Variants in SPOCK1 observed in about 807,000 individuals in gnomAD.
SPOCK1 encodes the protein testican-1.
A neutral mutation model predicts 55.3 loss-of-function variants in SPOCK1; 23 were observed. That is an observed-to-expected ratio of 0.42 (90% CI 0.30 to 0.59). The LOEUF (loss-of-function observed/expected upper bound fraction) is 0.59. Among genes scored for constraint, SPOCK1 ranks in the 20% least tolerant of loss-of-function variants. SPOCK1 has a pLI of 0.22. For synonymous variants in SPOCK1, 226 were observed against 221.0 expected (o/e 1.02, Z -0.20); for missense variants, 499 against 552.5 (o/e 0.90, Z 0.97).
chr5:137,206,658 T>A (rs1293784167), intron 3 of SPOCK1, among the ~76,000 whole-genome samples: 4 of 152,254 alleles, frequency 2.6e-5, no homozygotes. Flanking sequence ...AAATGCTAAT[T>A]GTAATTCTAC....
At chr5:137,096,301 A>AT (rs1211099449) in intron 5 of SPOCK1, among the ~76,000 whole-genome samples, 25 of 136,250 alleles carry the variant, frequency 1.8e-4, no homozygotes, top group African/African-American at 5.8e-4. Flanking sequence ...AAGACAAAAA[A>AT]GAAAAAAAAA....
At chr5:137,411,628 C>T (rs1422588885) in intron 2 of SPOCK1, among the ~76,000 whole-genome samples, 1 of 152,222 alleles carries the variant, frequency 6.6e-6, no homozygotes, top group Non-Finnish European at 1.5e-5. Context: ...TCTGCCACTT[C>T]CCAGCTGTGT....
At chr5:137,220,993 T>G (rs1311270523) in intron 3 of SPOCK1, among the ~76,000 whole-genome samples, 1 of 152,226 alleles carries the variant, frequency 6.6e-6, no homozygotes, top group Non-Finnish European at 1.5e-5. Flanking sequence ...TCCAGCACAG[T>G]AAGCCAACAG....
At chr5:137,188,161 C>T (rs914145767) in intron 3 of SPOCK1, among the ~76,000 whole-genome samples, 23 of 152,180 alleles carry the variant, frequency 1.5e-4, no homozygotes, top group African/African-American at 5.1e-4. Context: ...ACTATGCTAT[C>T]CAAGATCCCA....
intron 2 of SPOCK1, among the ~76,000 whole-genome samples, chr5:137,396,785 T>C (rs1386663611): frequency 2.6e-5 from 4 of 152,202 alleles, no homozygotes; most frequent in Non-Finnish European, 5.9e-5. Context: ...TCCAAAGTAG[T>C]ATACTTATTA....
intron 2 of SPOCK1, among the ~76,000 whole-genome samples, chr5:137,270,518 TCTAA>T (rs1756941942): frequency 6.6e-6 from 1 of 152,218 alleles, no homozygotes; most frequent in Admixed American, 6.5e-5. Flanking sequence ...TGCTGTAAAT[TCTAA>T]CTAACCCATA....
intron 3 of SPOCK1, among the ~76,000 whole-genome samples, chr5:137,193,468 T>G (rs1363046063): frequency 6.6e-6 from 1 of 152,112 alleles, no homozygotes; most frequent in Non-Finnish European, 1.5e-5. Context: ...AGAAGAAACA[T>G]ACAGACATTC....
chr5:137,181,672 C>T (rs1350536020), intron 3 of SPOCK1, among the ~76,000 whole-genome samples: 1 of 152,238 alleles, frequency 6.6e-6, no homozygotes, highest in African/African-American at 2.4e-5. Context: ...CCCACGGGCG[C>T]TAGAAACTTT....
chr5:137,317,122 A>T (rs180879433), intron 2 of SPOCK1, among the ~76,000 whole-genome samples: 1 of 152,278 alleles, frequency 6.6e-6, no homozygotes, highest in East Asian at 1.9e-4. Flanking sequence ...GCAGAGGGGC[A>T]TGTCTTTTGG....
chr5:137,272,346 G>GTTTCT (rs1756980340), intron 2 of SPOCK1, among the ~76,000 whole-genome samples: 1 of 152,202 alleles, frequency 6.6e-6, no homozygotes, highest in Non-Finnish European at 1.5e-5. Context: ...AGAAAAGTGA[G>GTTTCT]ATTTCCAGAC....
intron 2 of SPOCK1, among the ~76,000 whole-genome samples, chr5:137,429,003 A>T (rs187268165): frequency 6.6e-6 from 1 of 152,332 alleles, no homozygotes; most frequent in Non-Finnish European, 1.5e-5. Flanking sequence ...CTTACATCTG[A>T]TGATGGTACT....
intron 2 of SPOCK1, among the ~76,000 whole-genome samples, chr5:137,492,494 C>T (rs979462158): frequency 4.6e-5 from 7 of 152,206 alleles, no homozygotes; most frequent in African/African-American, 1.7e-4. Context: ...CATAAAACCA[C>T]AGCTTCTTAG....
intron 2 of SPOCK1, among the ~76,000 whole-genome samples, chr5:137,411,586 T>A (rs1331200884): frequency 6.6e-6 from 1 of 152,222 alleles, no homozygotes; most frequent in African/African-American, 2.4e-5. Flanking sequence ...CACCTTGGAC[T>A]GGAAGCAAAG....
At chr5:137,195,457 A>T (rs376409207) in intron 3 of SPOCK1, among the ~76,000 whole-genome samples, 6 of 152,376 alleles carry the variant, frequency 3.9e-5, no homozygotes, top group South Asian at 2.1e-4. Context: ...TTAACAAAGC[A>T]TGCAGGCAGC....
intron 3 of SPOCK1, among the ~76,000 whole-genome samples, chr5:137,223,308 GAAAAAA>G (rs5871626): frequency 5.6e-5 from 8 of 141,610 alleles, no homozygotes; most frequent in African/African-American, 7.9e-5. Flanking sequence ...GCTATAACAT[GAAAAAA>G]AAAAAAAGTA....
At chr5:137,488,910 C>T (rs1235745465) in intron 2 of SPOCK1, among the ~76,000 whole-genome samples, 1 of 152,124 alleles carries the variant, frequency 6.6e-6, no homozygotes, top group Non-Finnish European at 1.5e-5. Context: ...ATATGTCCGC[C>T]CTTCCTCCCT....
chr5:137,008,414 T>C (rs1029982670), intron 6 of SPOCK1, among the ~76,000 whole-genome samples: 2 of 151,678 alleles, frequency 1.3e-5, no homozygotes, highest in Non-Finnish European at 2.9e-5. Context: ...AGCACGGCAA[T>C]ATTCAAAAGA....
At chr5:137,079,533 T>TCCGCCC (rs766268018) in intron 5 of SPOCK1, among the ~76,000 whole-genome samples, 1 of 38,612 alleles carries the variant, frequency 2.6e-5, no homozygotes, top group African/African-American at 4.9e-5. Context: ...CCCATCTGAT[T>TCCGCCC]CCCCCCCCCC....
chr5:137,129,093 G>GT, intron 4 of SPOCK1, among the ~76,000 whole-genome samples: 1 of 152,260 alleles, frequency 6.6e-6, no homozygotes, highest in Non-Finnish European at 1.5e-5. Context: ...ATCATACCTG[G>GT]TCTGAGAGCT....
Sources: gnomAD v4.1 joint callset for allele counts (sites outside exome capture counted in the v4.1 genomes callset) on GRCh38, gnomAD v4.1.1 for gene constraint, MANE v1.5 for transcripts, NCBI Gene and HGNC (gene_info 2026-07-23, HGNC 2026-07-21) for gene names.